The following BCAR3 variants were observed in gnomAD, a reference collection of about 807,000 sequenced individuals.
The protein encoded by BCAR3 is BCAR3 adaptor protein, NSP family member.
Under a neutral mutation model 80.1 loss-of-function variants are expected in BCAR3, and 37 were observed. The ratio of observed to expected loss-of-function variants is 0.46; its 90% CI spans 0.36 to 0.61. The LOEUF (loss-of-function observed/expected upper bound fraction) is 0.61. Among genes scored for constraint, BCAR3 ranks in the 20% least tolerant of loss-of-function variants. The probability of loss-of-function intolerance (pLI) is 0.00; values close to 1 mark genes in which losing one functional copy is unlikely to be tolerated. For missense variants in BCAR3, 978 were observed against 1,068.2 expected (o/e 0.92, Z 1.18); for synonymous variants, 389 against 418.9 (o/e 0.93, Z 0.87).
At chr1:93,700,884 G>T (rs1278200642) in intron 3 of BCAR3, among the ~76,000 whole-genome samples, 1 of 152,214 alleles carries the variant, frequency 6.6e-6, no homozygotes, top group African/African-American at 2.4e-5. Flanking sequence ...CGGAGGGTAG[G>T]CTCTGCCCAC....
intron 3 of BCAR3, among the ~76,000 whole-genome samples, chr1:93,611,983 T>G (rs544125039): frequency 6.6e-6 from 1 of 152,126 alleles, no homozygotes; most frequent in Non-Finnish European, 1.5e-5. Flanking sequence ...TCAATCCCAA[T>G]TTAATTTTGA....
In BCAR3 at chr1:93,586,492, A is replaced by G. The variant is rs562692157; in HGVS notation, c.930-2371T>C. On this transcript the variant is annotated intron_variant, in intron 5 of 11. Coordinates refer to ENST00000260502, the MANE Select transcript of BCAR3 (RefSeq NM_003567.4). The surrounding 1 kb of genome is among the most constrained non-coding windows in gnomAD (Gnocchi z 4.2). ...TGCTTCCAAATCTTAGCTATTGTAA[A>G]CAGTGCTGCAACAAACATTGGTGCA... is the stretch of plus-strand genomic sequence containing the variant. Among the ~76,000 whole-genome samples the G allele has an allele frequency of 6.7e-6, 1 of 148,532 alleles. No homozygotes were observed. Among genetic ancestry groups the G allele is most frequent in the African/African-American group, 2.5e-5 (1 of 39,410 alleles).
intron 3 of BCAR3, chr1:93,613,856 A>C: frequency 6.4e-7 from 1 of 1,550,490 alleles, no homozygotes; most frequent in Non-Finnish European, 8.7e-7. Context: ...CCTTGACTCC[A>C]ATGAAAGACT....
chr1:93,651,911 C>T (rs370545652), intron 2 of BCAR3, among the ~76,000 whole-genome samples: 7 of 151,940 alleles, frequency 4.6e-5, no homozygotes, highest in Admixed American at 6.5e-5. Context: ...GCATCCACAC[C>T]GGGTTCCCCA....
intron 2 of BCAR3, among the ~76,000 whole-genome samples, chr1:93,715,820 G>A (rs915158029): frequency 2.0e-5 from 3 of 152,206 alleles, no homozygotes; most frequent in African/African-American, 4.8e-5. Flanking sequence ...CCAGCTAACC[G>A]AGATAAAAGC....
intron 2 of BCAR3, among the ~76,000 whole-genome samples, chr1:93,760,560 G>C (rs1198592519): frequency 6.6e-6 from 1 of 151,970 alleles, no homozygotes; most frequent in Non-Finnish European, 1.5e-5. Context: ...TGCTGTTGTG[G>C]TTGCATTAGA....
rs779863651 is a variant in BCAR3, at chr1:93,567,233, A to G, written c.2299+46T>C. On this transcript the variant is annotated intron_variant, in intron 11 of 11. Transcript: ENST00000260502. ...CATGCTCTTCCATTCCTTCATTTCA[A>G]TTACGATACAGTGTTAGAGAACAGC... is the stretch of plus-strand genomic sequence containing the variant. 14 of 1,590,446 alleles carry G rather than the reference A, an allele frequency of 8.8e-6. No individual in the cohort carries two copies. In the East Asian group the frequency reaches 2.0e-4, roughly 23 times the overall value.
At chr1:93,745,674 G>A (rs1286255898) in intron 2 of BCAR3, among the ~76,000 whole-genome samples, 1 of 152,136 alleles carries the variant, frequency 6.6e-6, no homozygotes, top group African/African-American at 2.4e-5. Context: ...TGTGGGGTGG[G>A]GAGGCAGGGG....
intron 2 of BCAR3, among the ~76,000 whole-genome samples, chr1:93,662,103 ACTGCT>A (rs1647688323): frequency 6.6e-6 from 1 of 152,246 alleles, no homozygotes; most frequent in Non-Finnish European, 1.5e-5. Flanking sequence ...ACAGAAGCTC[ACTGCT>A]CTGCAGTCAG....
chr1:93,645,272 AGG>A (rs779913968), intron 2 of BCAR3, among the ~76,000 whole-genome samples: 97 of 151,028 alleles, frequency 6.4e-4, no homozygotes, highest in African/African-American at 2.2e-3. Context: ...CCTCCTTTCA[AGG>A]GGGAAAAAAA....
intron 2 of BCAR3, among the ~76,000 whole-genome samples, chr1:93,831,487 A>T (rs1654562580): frequency 6.6e-6 from 1 of 152,196 alleles, no homozygotes; most frequent in Non-Finnish European, 1.5e-5. Flanking sequence ...CAAGATCTAG[A>T]TAATTTTTGT....
intron 3 of BCAR3, among the ~76,000 whole-genome samples, chr1:93,635,655 A>G (rs778802326): frequency 6.6e-6 from 1 of 152,220 alleles, no homozygotes; most frequent in Non-Finnish European, 1.5e-5. Context: ...GCTGTTTTAC[A>G]TTCACTGCTG....
At chr1:93,599,363 C>A (rs1674546353) in intron 3 of BCAR3, 1 of 152,208 alleles carries the variant, frequency 6.6e-6, no homozygotes, top group Admixed American at 6.5e-5. Flanking sequence ...CTGATTATAT[C>A]AGCCGGCAAA....
At chr1:93,811,201 C>A (rs980806038) in intron 2 of BCAR3, among the ~76,000 whole-genome samples, 4 of 151,982 alleles carry the variant, frequency 2.6e-5, no homozygotes, top group Non-Finnish European at 4.4e-5. Flanking sequence ...CTGGCCAGTG[C>A]GGCTTCCAGA....
chr1:93,728,853 C>T (rs532652370), intron 2 of BCAR3, among the ~76,000 whole-genome samples: 5 of 151,936 alleles, frequency 3.3e-5, no homozygotes, highest in African/African-American at 4.8e-5. Context: ...AGGATGGGGG[C>T]GCGGCAGGCC....
At chr1:93,568,862 G>A (rs1388399232) in intron 9 of BCAR3, among the ~76,000 whole-genome samples, 1 of 152,164 alleles carries the variant, frequency 6.6e-6, no homozygotes, top group African/African-American at 2.4e-5. Context: ...TCACTCTGTT[G>A]CCCAGGCTGG....
chr1:93,610,470 C>A lies in BCAR3; in HGVS notation c.358-18077G>T, dbSNP rs114482761. On this transcript the variant is annotated intron_variant, in intron 3 of 11. Coordinates refer to ENST00000260502, the MANE Select transcript of BCAR3 (RefSeq NM_003567.4). Reference sequence around the variant, plus strand: ...AAGGAGAAAAATTTAAAAGGGGTTACCTGTTCTTAAAAACAAACAAACAAC... The same window carrying A: ...AAGGAGAAAAATTTAAAAGGGGTTAACTGTTCTTAAAAACAAACAAACAAC... Among the ~76,000 whole-genome samples, 1,249 of 152,280 alleles carry A rather than the reference C, an allele frequency of 8.2e-3. 21 individuals are homozygous for A. The highest frequency in any genetic ancestry group is 0.029 in the African/African-American group (1,198 of 41,508).
At chr1:93,839,587 T>C (rs10489602) in intron 2 of BCAR3, among the ~76,000 whole-genome samples, 1 of 152,066 alleles carries the variant, frequency 6.6e-6, no homozygotes, top group Non-Finnish European at 1.5e-5. Flanking sequence ...CCAGGAGTTA[T>C]TCATCTGCCT....
At chr1:93,640,959 G>A (rs1417387768) in intron 3 of BCAR3, among the ~76,000 whole-genome samples, 3 of 152,140 alleles carry the variant, frequency 2.0e-5, no homozygotes, top group Non-Finnish European at 4.4e-5. Flanking sequence ...TTTTTGTTAA[G>A]TCATATCACA....
Sources: gnomAD v4.1 joint callset for allele counts (sites outside exome capture counted in the v4.1 genomes callset) on GRCh38, gnomAD v4.1.1 for gene constraint, Gnocchi (gnomAD v3.1) non-coding constraint, MANE v1.5 for transcripts, NCBI Gene and HGNC (gene_info 2026-07-23, HGNC 2026-07-21) for gene names.